The following BCL11A variants were observed in gnomAD, a reference collection of about 807,000 sequenced individuals.
BCL11A encodes the protein B cell CLL/lymphoma 11A.
BCL11A carries 2 observed loss-of-function variants against 55.9 expected under a neutral mutation model. That is an observed-to-expected ratio of 0.04 (90% confidence interval 0.01 to 0.11). The LOEUF is 0.11. Ranked by LOEUF, BCL11A falls within the 10% of genes least tolerant of loss-of-function variation. BCL11A has a pLI of 1.00. For missense variants in BCL11A, 817 were observed against 1,137.1 expected (o/e 0.72, Z 4.05); for synonymous variants, 465 against 473.4 (o/e 0.98, Z 0.23).
downstream of BCL11A, chr2:60,452,676 G>T (rs753260917): frequency 1.2e-6 from 2 of 1,606,418 alleles, no homozygotes; most frequent in South Asian, 1.1e-5. Flanking sequence ...CCTAGAAAGA[G>T]GTTGGAGACA....
Position 60,457,268 on chromosome 2 carries a change from CA to C in BCL11A, c.*3135del. 1 of 1,012,156 alleles carries C rather than the reference CA, an allele frequency of 9.9e-7. No individual in the cohort carries two copies. The highest frequency in any genetic ancestry group is 1.2e-6 in the Non-Finnish European group (1 of 846,474). The allele number at this position is 1,012,156 out of a possible 1,614,324, so 62.7% of individuals were successfully genotyped here. On this transcript the variant is annotated 3_prime_UTR_variant, in exon 4 of 4. Coordinates refer to ENST00000642384, the MANE Select transcript of BCL11A (RefSeq NM_022893.4). The stretch of plus-strand genomic sequence containing the variant: ...TGAACAGGTTAATGCAGACAACTGC[CA>C]AAAAAACACAGACAGTGGTTTTTCC...
intron 2 of BCL11A, among the ~76,000 whole-genome samples, chr2:60,503,126 C>T (rs1374406469): frequency 6.6e-6 from 1 of 152,158 alleles, no homozygotes; most frequent in Non-Finnish European, 1.5e-5. Flanking sequence ...CTGCATTTGT[C>T]CTGGCAATGG....
chr2:60,483,231 C>A (rs576789122), intron 2 of BCL11A, among the ~76,000 whole-genome samples: 1 of 152,166 alleles, frequency 6.6e-6, no homozygotes, highest in African/African-American at 2.4e-5. Flanking sequence ...GGTTTACAGC[C>A]GTTTTCCCCT....
intron 2 of BCL11A, among the ~76,000 whole-genome samples, chr2:60,515,967 C>T (rs752469192): frequency 3.9e-5 from 6 of 152,192 alleles, no homozygotes; most frequent in Middle Eastern, 3.2e-3. Flanking sequence ...CCAACACCCA[C>T]GGAGGGGTCC....
chr2:60,490,977 T>C (rs1678595525), intron 2 of BCL11A, among the ~76,000 whole-genome samples: 1 of 150,398 alleles, frequency 6.6e-6, no homozygotes. Flanking sequence ...CATGTTATGC[T>C]ACACAAAGAT....
rs145398013 is a variant in BCL11A at position 60,451,734 on chromosome 2, G to C, written c.*841C>G. Reference sequence around the variant, plus strand: ...CTTTAGGATTTACCGCTCGCCCAGTGATGTTCTTTCCTAAGCTAAATTAAA... The same window carrying C: ...CTTTAGGATTTACCGCTCGCCCAGTCATGTTCTTTCCTAAGCTAAATTAAA... On this transcript the variant is annotated 3_prime_UTR_variant, in exon 5 of 5. Coordinates refer to the BCL11A transcript ENST00000356842. The C allele has an allele frequency of 2.5e-4, 58 of 230,508 alleles. 1 individual carries two copies. In the East Asian group the frequency reaches 3.5e-3, roughly 14 times the overall value. The allele number at this position is 230,508 out of a possible 1,614,324, so 14.3% of individuals were successfully genotyped here. A position where few individuals can be genotyped will look rare whatever the true frequency, so the allele number is the denominator to read the frequency against.
At chr2:60,512,457 C>T (rs868349085) in intron 2 of BCL11A, among the ~76,000 whole-genome samples, 15 of 152,296 alleles carry the variant, frequency 9.8e-5, no homozygotes, top group Middle Eastern at 3.4e-3. Context: ...CACACACACT[C>T]GCCTCTCAAA....
chr2:60,536,824 AGCAGGCTGCC>A (rs1387324164), intron 2 of BCL11A: 1 of 152,308 alleles, frequency 6.6e-6, no homozygotes, highest in Non-Finnish European at 1.5e-5. Flanking sequence ...GTGTGCAGGC[AGCAGGCTGCC>A]CCAAGCAGAT....
intron 2 of BCL11A, among the ~76,000 whole-genome samples, chr2:60,541,236 T>C (rs1194070250): frequency 6.6e-6 from 1 of 152,144 alleles, no homozygotes; most frequent in Admixed American, 6.5e-5. Flanking sequence ...TTATAAAAGA[T>C]GACTAGGAAA....
At position 60,457,818 on chromosome 2, in the gene BCL11A, T is replaced by C. The variant is rs1464066463; in HGVS notation, c.*2586A>G. 1 of 1,048,082 alleles carries C rather than the reference T, an allele frequency of 9.5e-7. No homozygotes were observed. Among genetic ancestry groups the C allele is most frequent in the Non-Finnish European group, 1.2e-6 (1 of 868,302 alleles). 64.9% of individuals were successfully genotyped at this position (1,048,082 alleles called of 1,614,324 possible). A position where few individuals can be genotyped will look rare whatever the true frequency, so the allele number is the denominator to read the frequency against. ...TTAGCTTGCAGTACTGCATACAGTA[T>C]GGCAGCAGGAAAAAGGAACAAAAAA... is the stretch of plus-strand genomic sequence containing the variant. On this transcript the variant is annotated 3_prime_UTR_variant, in exon 4 of 4. Transcript: ENST00000642384.
chr2:60,524,078 T>C (rs1462959493), intron 2 of BCL11A, among the ~76,000 whole-genome samples: 4 of 152,212 alleles, frequency 2.6e-5, no homozygotes, highest in African/African-American at 9.7e-5. Flanking sequence ...CTGGAGGGTA[T>C]CTTCATTTAT....
chr2:60,466,319 C>T (rs994073098), intron 3 of BCL11A, among the ~76,000 whole-genome samples: 1 of 152,158 alleles, frequency 6.6e-6, no homozygotes, highest in African/African-American at 2.4e-5. Flanking sequence ...TCCCTTCTAT[C>T]CCTTCCCTCC....
chr2:60,491,279 C>T (rs962250960), intron 2 of BCL11A, among the ~76,000 whole-genome samples: 1 of 152,214 alleles, frequency 6.6e-6, no homozygotes, highest in East Asian at 1.9e-4. Flanking sequence ...TGCAGCACTA[C>T]TAAAAAGGAC....
At chr2:60,488,027 T>C (rs1678384478) in intron 2 of BCL11A, among the ~76,000 whole-genome samples, 1 of 152,260 alleles carries the variant, frequency 6.6e-6, no homozygotes, top group African/African-American at 2.4e-5. Flanking sequence ...AGATATTAAA[T>C]GCTTATAGAT....
chr2:60,464,744 T>C (rs1676504748), intron 3 of BCL11A, among the ~76,000 whole-genome samples: 1 of 152,204 alleles, frequency 6.6e-6, no homozygotes, highest in African/African-American at 2.4e-5. Flanking sequence ...TCAAAAAGGC[T>C]TAAATGAGAA....
Position 60,462,080 on chromosome 2 carries a change from G to T in BCL11A, c.832C>A (p.Arg278Ser), listed in dbSNP as rs370540886. 29 of 1,574,488 alleles carry T rather than the reference G, an allele frequency of 1.8e-5. No individual in the cohort carries two copies. Among genetic ancestry groups the T allele is most frequent in the Non-Finnish European group, 2.5e-5 (29 of 1,161,420 alleles). Residue 278 changes from arginine (R) to serine (S), a missense_variant, in exon 4 of 4, where the codon CGC becomes AGC. Coordinates refer to ENST00000642384, the MANE Select transcript of BCL11A (RefSeq NM_022893.4). ...PPPRHHLDPH[R>S]IERLGAEEMA... ...TCTTCCGCCCCCAGGCGCTCTATGC[G>T]GTGGGGGTCCAAGTGATGTCTCGGT...
At chr2:60,466,241 C>G (rs1226103699) in intron 3 of BCL11A, among the ~76,000 whole-genome samples, 3 of 151,942 alleles carry the variant, frequency 2.0e-5, no homozygotes, top group African/African-American at 4.8e-5. Flanking sequence ...AGGCTGAAGA[C>G]CGAGAACTAT....
chr2:60,470,197 C>T (rs1369793660), intron 2 of BCL11A, among the ~76,000 whole-genome samples: 3 of 152,056 alleles, frequency 2.0e-5, no homozygotes. Flanking sequence ...GGTGGAAGCA[C>T]CACCTAGCCT....
intron 1 of BCL11A, among the ~76,000 whole-genome samples, chr2:60,547,230 C>T (rs1332402364): frequency 6.6e-6 from 1 of 152,114 alleles, no homozygotes; most frequent in Admixed American, 6.5e-5. Context: ...GCTGAGAAGT[C>T]CTTTCTTTAG....
Sources: allele counts gnomAD v4.1 joint callset (sites outside exome capture counted in the v4.1 genomes callset), GRCh38; gene constraint gnomAD v4.1.1; transcripts MANE v1.5; gene names NCBI Gene and HGNC (gene_info 2026-07-23, HGNC 2026-07-21).